The following NTM variants were observed in gnomAD, a reference collection of about 807,000 sequenced individuals.
The protein encoded by NTM is neurotrimin.
NTM carries 13 observed loss-of-function variants against 42.1 expected under a neutral mutation model. That is an observed-to-expected ratio of 0.31 (90% CI 0.20 to 0.49). The LOEUF (loss-of-function observed/expected upper bound fraction) is 0.49, where lower values mean the gene tolerates loss of function less well. Among genes scored for constraint, NTM ranks in the 20% least tolerant of loss-of-function variants. The pLI, the probability that NTM is intolerant of heterozygous loss-of-function variation, is 0.99. For missense variants in NTM, 373 were observed against 452.8 expected (o/e 0.82, Z 1.60); for synonymous variants, 187 against 179.2 (o/e 1.04, Z -0.35).
At chr11:131,974,767 A>C (rs191388493) in intron 2 of NTM, among the ~76,000 whole-genome samples, 93 of 152,306 alleles carry the variant, frequency 6.1e-4, no homozygotes, top group Non-Finnish European at 1.2e-3. Flanking sequence ...TAGTGAGATA[A>C]CATATGTGCA....
rs919591975 is a variant in NTM, at chr11:131,898,425, T to G, written c.83-13139T>G. ...CATTGAATGTGTTTTACCTGTTCTT[T>G]GCTGAGATCGAGTGATTATAAATAA... is the stretch of plus-strand genomic sequence containing the variant. On this transcript the variant is annotated intron_variant, in intron 1 of 8. Transcript: ENST00000683400. 3.3e-5 allele frequency among the ~76,000 whole-genome samples: 5 copies of G among 152,240 alleles called. 1 individual carries two copies. Among genetic ancestry groups the G allele is most frequent in the Admixed American group, 2.0e-4 (3 of 15,280 alleles).
chr11:132,073,248 T>G (rs2057935996), intron 2 of NTM, among the ~76,000 whole-genome samples: 1 of 152,140 alleles, frequency 6.6e-6, no homozygotes, highest in Admixed American at 6.5e-5. Flanking sequence ...ATAAACTGTT[T>G]TATTTTGGTG....
intron 1 of NTM, among the ~76,000 whole-genome samples, chr11:131,730,060 A>G (rs1450305989): frequency 1.3e-5 from 2 of 152,154 alleles, no homozygotes; most frequent in African/African-American, 4.8e-5. Context: ...CCTTCCCACC[A>G]GCAATGTAGG....
chr11:132,035,353 G>A (rs2076385513), intron 2 of NTM, among the ~76,000 whole-genome samples: 1 of 152,188 alleles, frequency 6.6e-6, no homozygotes, highest in East Asian at 1.9e-4. Context: ...GGATCCTTGA[G>A]GGAGAGAATT....
intron 2 of NTM, among the ~76,000 whole-genome samples, chr11:132,046,879 C>T (rs966539832): frequency 6.6e-6 from 1 of 152,146 alleles, no homozygotes. Flanking sequence ...ATTTATAAAT[C>T]ATCAATCTAT....
intron 2 of NTM, among the ~76,000 whole-genome samples, chr11:132,072,291 T>C (rs1339196899): frequency 6.6e-6 from 1 of 152,208 alleles, no homozygotes; most frequent in African/African-American, 2.4e-5. Flanking sequence ...ATGACAAGCC[T>C]CTTTAGAATC....
intron 1 of NTM, among the ~76,000 whole-genome samples, chr11:131,585,266 G>A (rs568836767): frequency 6.6e-6 from 1 of 152,204 alleles, no homozygotes; most frequent in Non-Finnish European, 1.5e-5. Flanking sequence ...CCATGCACAT[G>A]TAAATGTGAT....
At chr11:131,560,271 T>C (rs1210013276) in intron 1 of NTM, among the ~76,000 whole-genome samples, 5 of 152,170 alleles carry the variant, frequency 3.3e-5, no homozygotes, top group Non-Finnish European at 7.3e-5. Context: ...ACATGGAAGA[T>C]CCCGTTCTTC....
intron 1 of NTM, chr11:131,385,313 A>G (rs1331105760): frequency 6.6e-6 from 1 of 152,242 alleles, no homozygotes; most frequent in East Asian, 1.9e-4. Flanking sequence ...CCTCTAGTCC[A>G]TAGGGTACAC....
chr11:132,171,405 C>T (rs1284521632), intron 3 of NTM, among the ~76,000 whole-genome samples: 2 of 152,212 alleles, frequency 1.3e-5, no homozygotes, highest in Admixed American at 6.5e-5. Context: ...TGGTGTCTGG[C>T]GTGGGCTCAC....
chr11:131,390,946 G>A (rs1220861118), intron 1 of NTM, among the ~76,000 whole-genome samples: 3 of 152,136 alleles, frequency 2.0e-5, no homozygotes, highest in African/African-American at 7.2e-5. Context: ...CTCAGGGTTC[G>A]TATGTGGGCT....
intron 3 of NTM, among the ~76,000 whole-genome samples, chr11:132,189,982 C>T (rs983595173): frequency 2.6e-5 from 4 of 152,110 alleles, no homozygotes; most frequent in African/African-American, 9.7e-5. Flanking sequence ...GGTACATATA[C>T]GAATAGTTGC....
intron 2 of NTM, among the ~76,000 whole-genome samples, chr11:132,068,020 A>C (rs200781499): frequency 6.6e-6 from 1 of 152,206 alleles, no homozygotes; most frequent in Admixed American, 6.5e-5. Flanking sequence ...AGGGTCCTCC[A>C]CAGAATTTCT....
intron 1 of NTM, among the ~76,000 whole-genome samples, chr11:131,391,415 G>A (rs1379307018): frequency 6.6e-6 from 1 of 152,078 alleles, no homozygotes; most frequent in Non-Finnish European, 1.5e-5. Context: ...CCTGAGTACT[G>A]AGTACTTTAT....
chr11:131,582,682 A>G (rs1378091538), intron 1 of NTM, among the ~76,000 whole-genome samples: 2 of 152,212 alleles, frequency 1.3e-5, no homozygotes, highest in Non-Finnish European at 2.9e-5. Flanking sequence ...TTTGTGGTGC[A>G]TAGTTAACAC....
intron 1 of NTM, among the ~76,000 whole-genome samples, chr11:131,826,551 G>T (rs1453725415): frequency 2.6e-5 from 3 of 117,298 alleles, no homozygotes; most frequent in Non-Finnish European, 3.6e-5. Flanking sequence ...TCGAGGGATT[G>T]GTCGTAATAT....
At chr11:132,212,792 G>A (rs916839515) in intron 4 of NTM, among the ~76,000 whole-genome samples, 1 of 152,114 alleles carries the variant, frequency 6.6e-6, no homozygotes, top group Non-Finnish European at 1.5e-5. Flanking sequence ...TTATTATTAA[G>A]CTAGCTTTTA....
intron 2 of NTM, among the ~76,000 whole-genome samples, chr11:132,016,300 T>C (rs2073395709): frequency 6.6e-6 from 1 of 151,898 alleles, no homozygotes. Flanking sequence ...TTAGGAACAT[T>C]TCCATCACCC....
intron 3 of NTM, among the ~76,000 whole-genome samples, chr11:132,147,631 G>A (rs751552771): frequency 2.0e-5 from 3 of 151,948 alleles, no homozygotes; most frequent in South Asian, 2.1e-4. Flanking sequence ...ATCTTATTTT[G>A]TGATGTCAGC....
Sources: gnomAD v4.1 joint callset for allele counts (sites outside exome capture counted in the v4.1 genomes callset) on GRCh38, gnomAD v4.1.1 for gene constraint, MANE v1.5 for transcripts, NCBI Gene and HGNC (gene_info 2026-07-23, HGNC 2026-07-21) for gene names.